Variants in RIC1 observed in about 807,000 individuals in gnomAD.
RIC1 encodes RIC1 partner of RAB6A GEF complex.
Under a neutral mutation model 169.0 loss-of-function variants are expected in RIC1, and 88 were observed. The ratio of observed to expected loss-of-function variants is 0.52; its 90% CI spans 0.44 to 0.62. RIC1 has a LOEUF of 0.62. Among genes scored for constraint, RIC1 ranks in the 20% least tolerant of loss-of-function variants. RIC1 has a pLI of 0.00. For synonymous variants in RIC1, 790 were observed against 601.5 expected (o/e 1.31, Z -4.59); for missense variants, 1,877 against 1,725.5 (o/e 1.09, Z -1.56).
At chr9:5,633,516 C>G (rs570383491) in intron 1 of RIC1, among the ~76,000 whole-genome samples, 1 of 152,212 alleles carries the variant, frequency 6.6e-6, no homozygotes, top group African/African-American at 2.4e-5. Flanking sequence ...ATGAGTCATT[C>G]TTTACCTACC....
intron 1 of RIC1, among the ~76,000 whole-genome samples, chr9:5,645,451 G>A (rs1425524834): frequency 1.3e-5 from 2 of 152,198 alleles, no homozygotes; most frequent in South Asian, 2.1e-4. Flanking sequence ...GCAGCATTAA[G>A]TACATTCACA....
intron 1 of RIC1, among the ~76,000 whole-genome samples, chr9:5,640,387 T>C (rs1232527301): frequency 6.6e-6 from 1 of 152,204 alleles, no homozygotes; most frequent in Non-Finnish European, 1.5e-5. Flanking sequence ...CTCTACACTT[T>C]AACTTCATCC....
intron 6 of RIC1, among the ~76,000 whole-genome samples, chr9:5,730,248 A>C (rs1233580418): frequency 6.6e-6 from 1 of 152,146 alleles, no homozygotes; most frequent in Non-Finnish European, 1.5e-5. Flanking sequence ...CTGAGGACTA[A>C]AAGAGCTGGA....
At chr9:5,741,820 T>C (rs1419350942) in intron 8 of RIC1, among the ~76,000 whole-genome samples, 1 of 152,194 alleles carries the variant, frequency 6.6e-6, no homozygotes, top group African/African-American at 2.4e-5. Context: ...TTTGTGTGTG[T>C]ATTTTAGGAT....
At chr9:5,753,076 G>C in intron 12 of RIC1, 124 bp from the exon 13 acceptor site, 1 of 761,036 alleles carries the variant, frequency 1.3e-6, no homozygotes, top group Non-Finnish European at 2.3e-6. Context: ...CAAGTGCTCT[G>C]CTACTAACTA....
chr9:5,733,230 C>T (rs1015021820), intron 7 of RIC1, among the ~76,000 whole-genome samples: 11 of 151,268 alleles, frequency 7.3e-5, no homozygotes, highest in African/African-American at 2.2e-4. Flanking sequence ...TAGTCTCCAG[C>T]CATATCATCA....
chr9:5,699,157 C>T (rs1036997860), intron 3 of RIC1, among the ~76,000 whole-genome samples: 19 of 152,116 alleles, frequency 1.2e-4, no homozygotes, highest in African/African-American at 4.6e-4. Flanking sequence ...GTCATAACAT[C>T]GATGAGGGAA....
At chr9:5,754,503 C>T (rs1156633905) in intron 14 of RIC1, among the ~76,000 whole-genome samples, 16 of 152,032 alleles carry the variant, frequency 1.1e-4, no homozygotes, top group Admixed American at 5.2e-4. Flanking sequence ...CCGAAGCAGG[C>T]GGATCACTTG....
intron 3 of RIC1, among the ~76,000 whole-genome samples, chr9:5,710,457 A>G (rs1050016394): frequency 1.3e-5 from 2 of 152,186 alleles, no homozygotes; most frequent in East Asian, 3.8e-4. Context: ...GAACCACTGA[A>G]GAAAAACTGC....
chr9:5,672,630 G>T (rs1466302634), intron 2 of RIC1, among the ~76,000 whole-genome samples: 2 of 152,118 alleles, frequency 1.3e-5, no homozygotes, highest in Non-Finnish European at 2.9e-5. Flanking sequence ...AAACAAGACA[G>T]AACAAGTATT....
intron 21 of RIC1, among the ~76,000 whole-genome samples, chr9:5,767,954 G>T (rs1282384191): frequency 6.6e-6 from 1 of 152,114 alleles, no homozygotes; most frequent in Non-Finnish European, 1.5e-5. Context: ...ACATACATAG[G>T]TCCTATTTTA....
chr9:5,712,452 G>T (rs893762012), intron 3 of RIC1, among the ~76,000 whole-genome samples: 2 of 152,006 alleles, frequency 1.3e-5, no homozygotes, highest in Non-Finnish European at 2.9e-5. Context: ...TCTGACAAAG[G>T]GCTAATATCC....
chr9:5,684,734 G>C (rs1315581847), intron 2 of RIC1, among the ~76,000 whole-genome samples: 3 of 152,042 alleles, frequency 2.0e-5, no homozygotes, highest in Non-Finnish European at 4.4e-5. Flanking sequence ...ACTGCCTAGA[G>C]TCTAGACAGT....
Position 5,763,208 on chromosome 9 carries a change from TAAACAG to T in RIC1, c.2186_2191del (p.Gln729_Lys730del). The T allele has an allele frequency of 6.2e-7, 1 of 1,614,080 alleles. No individual in the cohort carries two copies. Among genetic ancestry groups the T allele is most frequent in the Non-Finnish European group, 8.5e-7 (1 of 1,179,984 alleles). On this transcript the variant is annotated inframe_deletion, in exon 19 of 26. Coordinates refer to ENST00000414202, the MANE Select transcript of RIC1 (RefSeq NM_020829.4). The surrounding 1 kb of genome is among the most constrained non-coding windows in gnomAD (Gnocchi z 5.2). The stretch of plus-strand genomic sequence containing the variant: ...ATGTCTGGACAACGTGTCGAGCAAA[TAAACAG>T]AAACGTCACCTTCTGGAGGCCCTCT...
chr9:5,730,533 A>G (rs535354215), intron 6 of RIC1, among the ~76,000 whole-genome samples: 1 of 152,292 alleles, frequency 6.6e-6, no homozygotes, highest in Non-Finnish European at 1.5e-5. Context: ...ATTAGAGTAT[A>G]TATGGGTGCA....
At position 5,690,009 on chromosome 9, in the gene RIC1, C is replaced by T; in HGVS notation, c.303C>T (p.Asp101=). 1 of 1,599,682 alleles carries T rather than the reference C, an allele frequency of 6.3e-7. No homozygotes were observed. Residue 101 remains aspartate, a synonymous_variant, in exon 3 of 26, where the codon GAC becomes GAT. Coordinates refer to ENST00000414202, the MANE Select transcript of RIC1 (RefSeq NM_020829.4). The stretch of plus-strand genomic sequence containing the variant: ...TTCATATTACATCTACAAGAGGGGA[C>T]AAGTACCTTTATGAACCAGTGTATC... ...LFFHITSTRG[D]KYLYEPVYPK...
rs1429351501 is a variant in RIC1, at chr9:5,729,206, G to A, written c.721-3182G>A. On this transcript the variant is annotated intron_variant, in intron 6 of 25. Transcript: ENST00000414202. ...TCCCTGTTTTCAGTGTGGTCCATAG[G>A]CCTCTGGTGGAGGTGGTAGGGGTGG... Among the ~76,000 whole-genome samples, 4 of 152,158 alleles carry A rather than the reference G, an allele frequency of 2.6e-5. No individual in the cohort carries two copies. In the East Asian group the frequency reaches 7.7e-4, roughly 29 times the overall value.
At chr9:5,772,211 A>G (rs1186897877) in intron 23 of RIC1, among the ~76,000 whole-genome samples, 4 of 152,314 alleles carry the variant, frequency 2.6e-5, no homozygotes, top group East Asian at 1.9e-4. Context: ...TCTCACAATA[A>G]TGATTTTGCT....
At chr9:5,692,025 G>A (rs745577062) in intron 3 of RIC1, among the ~76,000 whole-genome samples, 1 of 152,026 alleles carries the variant, frequency 6.6e-6, no homozygotes, top group African/African-American at 2.4e-5. Context: ...CTGACAATGC[G>A]TGAACTTTGC....
Sources: allele counts gnomAD v4.1 joint callset (sites outside exome capture counted in the v4.1 genomes callset), GRCh38; gene constraint gnomAD v4.1.1; non-coding constraint Gnocchi (gnomAD v3.1); transcripts MANE v1.5; gene names NCBI Gene and HGNC (gene_info 2026-07-23, HGNC 2026-07-21).